Variants in MYH1 observed in about 807,000 individuals in gnomAD.
MYH1 encodes the protein myosin heavy chain 1, also known as myosin-1.
In MYH1, 214 loss-of-function variants were observed where a neutral mutation model predicts 225.6. The ratio of observed to expected loss-of-function variants is 0.95; its 90% CI spans 0.85 to 1.06. The LOEUF is 1.06. MYH1 is among the 50% of genes least tolerant of loss of function. The pLI is 0.00. For missense variants in MYH1, 2,098 were observed against 2,344.2 expected, an observed-to-expected ratio of 0.89 and a Z score of 2.17; for synonymous variants, 774 against 842.3, an observed-to-expected ratio of 0.92 and a Z score of 1.40.
Position 10,512,509 on chromosome 17 carries a change from C to CT in MYH1, c.1045dup (p.Arg349LysfsTer6). 5 of 1,614,104 alleles carry CT rather than the reference C, an allele frequency of 3.1e-6. No individual in the cohort carries two copies. In the South Asian group the frequency reaches 3.3e-5, roughly 11 times the overall value. ...CCCTGTGAGCTTATAGATGGACACT[C>CT]TTTCATCTGAAGTAAAGCCCAGAAT... On this transcript the variant is annotated frameshift_variant, in exon 12 of 40. Transcript: ENST00000226207. LOFTEE classifies it high-confidence loss of function.
At chr17:10,502,489 A>G (rs900417422) in intron 24 of MYH1, among the ~76,000 whole-genome samples, 2 of 152,146 alleles carry the variant, frequency 1.3e-5, no homozygotes, top group African/African-American at 4.8e-5. Flanking sequence ...TTCTTTGTGA[A>G]CACATTAACC....
chr17:10,512,317 A>G, intron 12 of MYH1, 91 bp downstream of exon 12: 1 of 1,604,798 alleles, frequency 6.2e-7, no homozygotes, highest in Non-Finnish European at 8.5e-7. Context: ...TATGTCCATC[A>G]GGAGCTCAGC....
rs766411999 is a variant in MYH1, at chr17:10,492,388, T to A, written c.*28A>T. On this transcript the variant is annotated 3_prime_UTR_variant, in exon 40 of 40. Transcript: ENST00000226207. Reference sequence around the variant, plus strand: ...AAGATTTTCACATTTTGTGCATTTCTTTGGTCACCTTTCAGCAGTTAGATA... The same window carrying A: ...AAGATTTTCACATTTTGTGCATTTCATTGGTCACCTTTCAGCAGTTAGATA... 5 of 1,609,608 alleles carry A rather than the reference T, an allele frequency of 3.1e-6. No individual in the cohort carries two copies. The South Asian group carries it at 5.6e-5, about 18-fold the overall frequency.
At position 10,512,755 on chromosome 17, in the gene MYH1, C is replaced by T. The variant is rs760083213; in HGVS notation, c.934G>A (p.Asp312Asn). 29 of 1,613,898 alleles carry T rather than the reference C, an allele frequency of 1.8e-5. No individual in the cohort carries two copies. The highest frequency in any genetic ancestry group is 5.0e-5 in the Admixed American group (3 of 59,990). The change falls in exon 11 of 40, where the codon GAT (aspartate) becomes AAT (asparagine). Residue 312 changes from aspartate (D) to asparagine (N), a missense_variant. Coordinates refer to ENST00000226207, the MANE Select transcript of MYH1 (RefSeq NM_005963.4). ...EMLLITTNPY[D>N]YAFVSQGEIT... ...TCCCCTTGACTGACGAAGGCATAATCGTATGGGTTGGTGGTGATCAGGAGC... is the reference window on the plus strand; with the variant it reads ...TCCCCTTGACTGACGAAGGCATAATTGTATGGGTTGGTGGTGATCAGGAGC...
chr17:10,497,370 G>T lies in MYH1; in HGVS notation c.4448C>A (p.Thr1483Lys), dbSNP rs768467825. ...ASQKESRSLS[T>K]ELFKIKNAYE... ...AGCATTCTTAATCTTAAATAGTTCT[G>T]TGCTGAGTGAGCGGGATTCCTTTTG... Residue 1483 changes from threonine to lysine, a missense_variant, in exon 32 of 40, where the codon ACA (threonine) becomes AAA (lysine). Thr to Lys is a moderately conservative substitution (Grantham distance 78). Transcript: ENST00000226207. The T allele has an allele frequency of 6.2e-7, 1 of 1,613,832 alleles. No individual in the cohort carries two copies. The highest frequency in any genetic ancestry group is 1.7e-4 in the Middle Eastern group (1 of 6,050).
At position 10,513,375 on chromosome 17, in the gene MYH1, T is replaced by C. The variant is rs542746924; in HGVS notation, c.805+251A>G. Among the ~76,000 whole-genome samples, 10 of 152,200 alleles carry C rather than the reference T, an allele frequency of 6.6e-5. No individual in the cohort carries two copies. The South Asian group carries it at 2.1e-3, about 32-fold the overall frequency. ...TGTTAGTTTTTTCTTAAAAAAAAAATTGAAATCATTCTGAGGCTGGAATAC... is the reference window on the plus strand; with the variant it reads ...TGTTAGTTTTTTCTTAAAAAAAAAACTGAAATCATTCTGAGGCTGGAATAC... On this transcript the variant is annotated intron_variant, in intron 9 of 39. Coordinates refer to ENST00000226207, the MANE Select transcript of MYH1 (RefSeq NM_005963.4).
At position 10,496,046 on chromosome 17, in the gene MYH1, C is replaced by T. The variant is rs1030184065; in HGVS notation, c.5073G>A (p.Glu1691=). 7 of 1,614,152 alleles carry T rather than the reference C, an allele frequency of 4.3e-6. No homozygotes were observed. Among genetic ancestry groups the T allele is most frequent in the South Asian group, 1.1e-5 (1 of 91,078 alleles). ...CTGTCTGTTCCAGAGTGGCCCGCAG[C>T]TCCTCGATCTCAGCCTGCAGCAGGT... ...RANLLQAEIE[E]LRATLEQTER... The change falls in exon 35 of 40, where the codon GAG becomes GAA. Residue 1691 remains glutamate, a synonymous_variant. Coordinates refer to ENST00000226207, the MANE Select transcript of MYH1 (RefSeq NM_005963.4).
Position 10,497,783 on chromosome 17 carries a change from G to A in MYH1, c.4316C>T (p.Thr1439Ile). The change falls in exon 31 of 40, where the codon ACA becomes ATA. Residue 1439 changes from threonine (T) to isoleucine (I), a missense_variant. By Grantham distance (89) the Thr-to-Ile change is moderately conservative. Coordinates refer to ENST00000226207, the MANE Select transcript of MYH1 (RefSeq NM_005963.4). ...VEDLMIDVER[T>I]NAACAALDKK... ...GTCCAGGGCGGCACAGGCAGCATTT[G>A]TCCTCTCAACATCAATCATGAGGTC... 1 of 1,614,166 alleles carries A rather than the reference G, an allele frequency of 6.2e-7. No homozygotes were observed. The highest frequency in any genetic ancestry group is 8.5e-7 in the Non-Finnish European group (1 of 1,180,026).
At position 10,509,490 on chromosome 17, in the gene MYH1, C is replaced by T. The variant is rs147337790; in HGVS notation, c.1582G>A (p.Glu528Lys). Residue 528 changes from glutamate to lysine, a missense_variant, in exon 15 of 40, where the codon GAG becomes AAG. Physicochemically the swap from Glu to Lys is moderately conservative, Grantham distance 56 (BLOSUM62 1). Coordinates refer to ENST00000226207, the MANE Select transcript of MYH1 (RefSeq NM_005963.4). ...TCTGCAAAAAGCAAGCCAACCTTCT[C>T]GATGAGCTCGATGCAGGCAGCCAGG... ...MDLAACIELI[E>K]KPMGIFSILE... The T allele has an allele frequency of 4.0e-4, 651 of 1,614,106 alleles. No individual in the cohort carries two copies. The highest frequency in any genetic ancestry group is 5.2e-4 in the Non-Finnish European group (608 of 1,180,010).
rs779431315 is a variant in MYH1, at chr17:10,495,187, C to G, written c.5295+5G>C. On this transcript the variant is annotated splice_donor_5th_base_variant and intron_variant, in intron 36 of 39. Coordinates refer to ENST00000226207, the MANE Select transcript of MYH1 (RefSeq NM_005963.4). Reference sequence around the variant, plus strand: ...TTGACCACCACTGTGTTACCCTTCACTCACATCAGTGATGGCCTTCTTGGC... The same window carrying G: ...TTGACCACCACTGTGTTACCCTTCAGTCACATCAGTGATGGCCTTCTTGGC... 8.1e-6 allele frequency: 13 copies of G among 1,614,122 alleles called. No individual in the cohort carries two copies. Among genetic ancestry groups the G allele is most frequent in the Non-Finnish European group, 1.1e-5 (13 of 1,180,056 alleles).
chr17:10,512,329 G>A (rs1006950342), intron 12 of MYH1, 79 bp downstream of exon 12: 5 of 1,610,566 alleles, frequency 3.1e-6, no homozygotes, highest in Non-Finnish European at 3.4e-6. Context: ...GAGCTCAGCT[G>A]TAAAGAAGAC....
intron 8 of MYH1, 49 bp from the exon 9 acceptor site, chr17:10,513,738 T>C: frequency 6.2e-7 from 1 of 1,612,806 alleles, no homozygotes; most frequent in Non-Finnish European, 8.5e-7. Context: ...AAGTACGTAG[T>C]GGGGATGCCA....
At position 10,513,678 on chromosome 17, in the gene MYH1, G is replaced by A. The variant is rs536289939; in HGVS notation, c.753C>T (p.Ile251=). 1.1e-5 allele frequency: 17 copies of A among 1,614,080 alleles called. No homozygotes were observed. In the East Asian group the frequency reaches 3.6e-4, roughly 34 times the overall value. ...NDNSSRFGKF[I]RIHFGTTGKL... ...TCCCTGTGGTACCGAAGTGGATCCT[G>A]ATGAATTTACCCTTGTAAGTAAAAA... Residue 251 remains isoleucine (I), a synonymous_variant, in exon 9 of 40, where the codon ATC becomes ATT. Coordinates refer to ENST00000226207, the MANE Select transcript of MYH1 (RefSeq NM_005963.4).
Position 10,496,553 on chromosome 17 carries a change from A to G in MYH1, c.4657-4T>C. ...CCTCTTCATGTTCAAGAGATGCCTT[A>G]ATGACAGCAAGAGGTGACATTAGTA... On this transcript the variant is annotated splice_region_variant and splice_polypyrimidine_tract_variant and intron_variant, in intron 33 of 39. Coordinates refer to ENST00000226207, the MANE Select transcript of MYH1 (RefSeq NM_005963.4). 1 of 1,614,148 alleles carries G rather than the reference A, an allele frequency of 6.2e-7. No individual in the cohort carries two copies.
chr17:10,497,746 C>G lies in MYH1; in HGVS notation c.4353G>C (p.Arg1451Ser). 1 of 1,613,776 alleles carries G rather than the reference C, an allele frequency of 6.2e-7. No homozygotes were observed. The highest frequency in any genetic ancestry group is 2.2e-5 in the East Asian group (1 of 44,870). ...AACAALDKKQ[R>S]NFDKILAEWK... ...CTGGAGAGAATACCTTATCAAAGTT[C>G]CTTTGCTTTTTGTCCAGGGCGGCAC... Residue 1451 changes from arginine to serine, a missense_variant, in exon 31 of 40, where the codon AGG becomes AGC. Coordinates refer to ENST00000226207, the MANE Select transcript of MYH1 (RefSeq NM_005963.4).
At chr17:10,505,733 T>C (rs1312079919) in intron 19 of MYH1, 79 bp downstream of exon 19, 1 of 1,563,358 alleles carries the variant, frequency 6.4e-7, no homozygotes, top group Non-Finnish European at 8.8e-7. Flanking sequence ...TAAGAGGAGG[T>C]ATAAAGGATT....
In MYH1 at chr17:10,515,081, A is replaced by G. The variant is rs2073211983; in HGVS notation, c.506-186T>C. Among the ~76,000 whole-genome samples the G allele has an allele frequency of 2.0e-5, 3 of 152,342 alleles. No individual in the cohort carries two copies. In the South Asian group the frequency reaches 6.2e-4, roughly 32 times the overall value. Reference sequence around the variant, plus strand: ...AGCAGTATTCTCCAAAGCTAGATACATTCCGTAGTTGTCATCTGTAGATTT... The same window carrying G: ...AGCAGTATTCTCCAAAGCTAGATACGTTCCGTAGTTGTCATCTGTAGATTT... On this transcript the variant is annotated intron_variant, in intron 5 of 39. Coordinates refer to ENST00000226207, the MANE Select transcript of MYH1 (RefSeq NM_005963.4).
In MYH1 at chr17:10,508,518, G is replaced by C; in HGVS notation, c.1742C>G (p.Ser581Cys). ...PAKGKPEAHF[S>C]LIHYAGTVDY... Reference sequence around the variant, plus strand: ...CACGGTGCCAGCATAGTGAATCAAAGAGAAGTGGGCCTCAGGCTTGCCTTT... The same window carrying C: ...CACGGTGCCAGCATAGTGAATCAAACAGAAGTGGGCCTCAGGCTTGCCTTT... Residue 581 changes from serine to cysteine, a missense_variant, in exon 16 of 40, where the codon TCT (serine) becomes TGT (cysteine). Coordinates refer to ENST00000226207, the MANE Select transcript of MYH1 (RefSeq NM_005963.4). The C allele has an allele frequency of 3.7e-6, 6 of 1,614,138 alleles. No individual in the cohort carries two copies. The highest frequency in any genetic ancestry group is 5.1e-6 in the Non-Finnish European group (6 of 1,180,028).
Position 10,501,906 on chromosome 17 carries a change from T to G in MYH1, c.3117A>C (p.Glu1039Asp), listed in dbSNP as rs1407869818. ...TTTTCTTTTCTTGTTCCAAAGATCC[T>G]TCAAGCTAAAAGTTAATAATCCATG... Reference protein sequence around the residue: ...IKLEQQVDDLEGSLEQEKKIR... With the variant: ...IKLEQQVDDLDGSLEQEKKIR... Residue 1039 changes from glutamate to aspartate, a missense_variant, in exon 25 of 40, where the codon GAA (glutamate) becomes GAC (aspartate). By Grantham distance (45) the Glu-to-Asp change is conservative. Coordinates refer to ENST00000226207, the MANE Select transcript of MYH1 (RefSeq NM_005963.4). The G allele has an allele frequency of 2.5e-6, 4 of 1,603,722 alleles. No homozygotes were observed. Among genetic ancestry groups the G allele is most frequent in the Middle Eastern group, 1.7e-4 (1 of 6,022 alleles).
Sources: allele counts gnomAD v4.1 joint callset (sites outside exome capture counted in the v4.1 genomes callset), GRCh38; gene constraint gnomAD v4.1.1; transcripts MANE v1.5; gene names NCBI Gene and HGNC (gene_info 2026-07-23, HGNC 2026-07-21).